The following MXI1 variants were observed in gnomAD, a reference collection of about 807,000 sequenced individuals.
MXI1 encodes max-interacting protein 1.
A neutral mutation model predicts 36.9 loss-of-function variants in MXI1; 18 were observed. That is an observed-to-expected ratio of 0.49 (90% CI 0.34 to 0.72). The LOEUF (loss-of-function observed/expected upper bound fraction) is 0.72. MXI1 is among the 30% of genes least tolerant of loss of function. The pLI, the probability that MXI1 is intolerant of heterozygous loss-of-function variation, is 0.01. For missense variants in MXI1, 304 were observed against 379.1 expected, an observed-to-expected ratio of 0.80 and a Z score of 1.64; for synonymous variants, 160 against 146.7, an observed-to-expected ratio of 1.09 and a Z score of -0.65.
chr10:110,226,021 C>T (rs1223868325), intron 1 of MXI1: 8 of 980,746 alleles, frequency 8.2e-6, no homozygotes, highest in South Asian at 4.7e-5. Flanking sequence ...GGGCTGCCCG[C>T]GGCACGGCGG....
In MXI1 at chr10:110,244,202, C is replaced by T. The variant is rs184462601; in HGVS notation, c.408-626C>T. 1.5e-3 allele frequency among the ~76,000 whole-genome samples: 233 copies of T among 152,152 alleles called. 2 individuals are homozygous for T. In the East Asian group the frequency reaches 0.019, roughly 12 times the overall value. On this transcript the variant is annotated intron_variant, in intron 2 of 5. Coordinates refer to ENST00000332674, the MANE Select transcript of MXI1 (RefSeq NM_130439.3). ...AAAAGTCACCAAAACTAAACAATAA[C>T]CATTGCTAACATTTCGAGTTATCCA... is the stretch of plus-strand genomic sequence containing the variant.
chr10:110,283,080 A>C (rs1857314793), intron 5 of MXI1, among the ~76,000 whole-genome samples: 1 of 152,180 alleles, frequency 6.6e-6, no homozygotes, highest in South Asian at 2.1e-4. Flanking sequence ...TGGTGCTGGG[A>C]AACAATGGCT....
chr10:110,263,452 CTT>C lies in MXI1; in HGVS notation c.438-15727_438-15726del, dbSNP rs755385616. On this transcript the variant is annotated intron_variant, in intron 3 of 5. Transcript: ENST00000332674. ...AAAGTTGTACCATGAGAAAATGCCT[CTT>C]GAGTGCAATGGTTTTACAGATGAAA... is the stretch of plus-strand genomic sequence containing the variant. Among the ~76,000 whole-genome samples, 98 of 152,260 alleles carry C rather than the reference CTT, an allele frequency of 6.4e-4. 1 individual carries two copies. The highest frequency in any genetic ancestry group is 1.2e-3 in the Non-Finnish European group (79 of 68,012).
chr10:110,213,596 C>T (rs1342272), intron 1 of MXI1, among the ~76,000 whole-genome samples: 1,662 of 152,210 alleles, frequency 0.011, 31 homozygotes, highest in African/African-American at 0.038. Flanking sequence ...TTCAGAATCA[C>T]GGAGCTCCCA....
chr10:110,283,908 G>A (rs1857350074), intron 5 of MXI1, among the ~76,000 whole-genome samples: 2 of 151,594 alleles, frequency 1.3e-5, no homozygotes, highest in Admixed American at 6.6e-5. Flanking sequence ...TTGGCCTCCC[G>A]AGTAGCTGGG....
At chr10:110,224,218 AAGC>A (rs1283217364) in intron 1 of MXI1, among the ~76,000 whole-genome samples, 2 of 152,180 alleles carry the variant, frequency 1.3e-5, no homozygotes, top group Non-Finnish European at 2.9e-5. Flanking sequence ...ATGTGATGTC[AAGC>A]AGCAGGTTAA....
At chr10:110,211,140 C>T (rs1046175342) in intron 1 of MXI1, among the ~76,000 whole-genome samples, 3 of 151,560 alleles carry the variant, frequency 2.0e-5, no homozygotes. Context: ...TGCACAACCT[C>T]CCCGCCTTCA....
chr10:110,243,106 A>C (rs1855732868), intron 2 of MXI1, among the ~76,000 whole-genome samples: 1 of 151,688 alleles, frequency 6.6e-6, no homozygotes, highest in Non-Finnish European at 1.5e-5. Flanking sequence ...ATTAACATTT[A>C]ATTCAAACAA....
chr10:110,208,746 C>A (rs1487647056), intron 1 of MXI1, among the ~76,000 whole-genome samples: 5 of 148,592 alleles, frequency 3.4e-5, no homozygotes, highest in South Asian at 2.1e-4. Context: ...CGCCGCCCCC[C>A]CCCCCCCAAA....
At chr10:110,227,330 G>A (rs867349839) in intron 1 of MXI1, 3 of 983,534 alleles carry the variant, frequency 3.1e-6, no homozygotes, top group Middle Eastern at 5.2e-4. Context: ...GCGCGCGTGC[G>A]TGGGGAGGTG....
At chr10:110,279,808 C>G (rs572226503) in intron 4 of MXI1, 106 bp from the exon 5 acceptor site, 3 of 697,852 alleles carry the variant, frequency 4.3e-6, no homozygotes, top group Admixed American at 7.3e-5. Context: ...TTTTTATACA[C>G]ACTCACACAT....
chr10:110,242,896 ATTAC>A (rs1855725834), intron 2 of MXI1, among the ~76,000 whole-genome samples: 1 of 151,936 alleles, frequency 6.6e-6, no homozygotes, highest in African/African-American at 2.4e-5. Context: ...GTTTCCATTT[ATTAC>A]TTACTGTAGT....
At chr10:110,268,908 G>A (rs1477663158) in intron 3 of MXI1, among the ~76,000 whole-genome samples, 2 of 152,034 alleles carry the variant, frequency 1.3e-5, no homozygotes, top group East Asian at 1.9e-4. Context: ...TTTTCCAGAG[G>A]TTGCAAATGG....
intron 3 of MXI1, among the ~76,000 whole-genome samples, chr10:110,252,835 T>C (rs1234664172): frequency 6.6e-6 from 1 of 152,108 alleles, no homozygotes; most frequent in African/African-American, 2.4e-5. Context: ...TCAGTTGACA[T>C]AATAAAAGAA....
intron 3 of MXI1, among the ~76,000 whole-genome samples, chr10:110,259,339 G>A (rs1456432259): frequency 6.6e-6 from 1 of 152,066 alleles, no homozygotes; most frequent in Non-Finnish European, 1.5e-5. Flanking sequence ...TGAGGAATGT[G>A]TTTGATTCAT....
chr10:110,252,959 C>A (rs916933800), intron 3 of MXI1, among the ~76,000 whole-genome samples: 2 of 151,988 alleles, frequency 1.3e-5, no homozygotes, highest in Non-Finnish European at 2.9e-5. Context: ...CGGAGTTTAT[C>A]GTACTTTTTT....
At chr10:110,273,312 G>C (rs1412155548) in intron 3 of MXI1, among the ~76,000 whole-genome samples, 2 of 152,098 alleles carry the variant, frequency 1.3e-5, no homozygotes, top group Admixed American at 6.6e-5. Context: ...CTCCCAAAGT[G>C]CTGAGATTAC....
intron 2 of MXI1, among the ~76,000 whole-genome samples, chr10:110,231,366 C>G (rs1450669370): frequency 6.7e-6 from 1 of 150,038 alleles, no homozygotes; most frequent in Non-Finnish European, 1.5e-5. Flanking sequence ...TAATCCACCC[C>G]CCCCCCCTCA....
intron 3 of MXI1, chr10:110,257,286 CAAGTT>C (rs1423372264): frequency 6.7e-6 from 1 of 149,686 alleles, no homozygotes; most frequent in Non-Finnish European, 1.5e-5. Context: ...TGTACACAAA[CAAGTT>C]AAGGGCAAGT....
Sources: allele counts gnomAD v4.1 joint callset (sites outside exome capture counted in the v4.1 genomes callset), GRCh38; gene constraint gnomAD v4.1.1; transcripts MANE v1.5; gene names NCBI Gene and HGNC (gene_info 2026-07-23, HGNC 2026-07-21).